The following NPAS3 variants were observed in gnomAD, a reference collection of about 807,000 sequenced individuals.
The protein encoded by NPAS3 is neuronal PAS domain-containing protein 3.
Under a neutral mutation model 73.1 loss-of-function variants are expected in NPAS3, and 14 were observed. That is an observed-to-expected ratio of 0.19 (90% CI 0.13 to 0.30). The LOEUF is 0.30. Among genes scored for constraint, NPAS3 ranks in the 10% least tolerant of loss-of-function variants. NPAS3 has a pLI of 1.00. For missense variants in NPAS3, 1,096 were observed against 1,250.0 expected (o/e 0.88, Z 1.86); for synonymous variants, 620 against 541.5 (o/e 1.14, Z -2.01).
At chr14:33,091,308 A>G (rs1369198796) in intron 2 of NPAS3, among the ~76,000 whole-genome samples, 1 of 152,206 alleles carries the variant, frequency 6.6e-6, no homozygotes, top group African/African-American at 2.4e-5. Flanking sequence ...TAAAGGGGAT[A>G]TCACCACCGA....
intron 2 of NPAS3, among the ~76,000 whole-genome samples, chr14:33,170,939 A>G (rs1006918616): frequency 1.3e-5 from 2 of 152,242 alleles, no homozygotes; most frequent in Non-Finnish European, 2.9e-5. Flanking sequence ...GTTCTTAACA[A>G]CATCCAAAAT....
At chr14:33,311,936 A>G (rs1488689476) in intron 3 of NPAS3, among the ~76,000 whole-genome samples, 2 of 152,088 alleles carry the variant, frequency 1.3e-5, no homozygotes, top group African/African-American at 2.4e-5. Flanking sequence ...AATAGGCATG[A>G]TATGTTTTGG....
intron 4 of NPAS3, among the ~76,000 whole-genome samples, chr14:33,548,214 T>C (rs1378308382): frequency 2.0e-5 from 3 of 152,230 alleles, no homozygotes; most frequent in Non-Finnish European, 2.9e-5. Flanking sequence ...GAGGCCACTT[T>C]AGTCTACAAT....
At chr14:33,669,265 CCT>C (rs2059543387) in intron 5 of NPAS3, among the ~76,000 whole-genome samples, 1 of 152,180 alleles carries the variant, frequency 6.6e-6, no homozygotes, top group Non-Finnish European at 1.5e-5. Flanking sequence ...CATCCTTTTG[CCT>C]TCTCAGCACT....
At position 33,505,410 on chromosome 14, in the gene NPAS3, A is replaced by G. The variant is rs147475036; in HGVS notation, c.469-54711A>G. Among the ~76,000 whole-genome samples the G allele has an allele frequency of 1.7e-3, 259 of 152,142 alleles. 2 individuals are homozygous for G. Among genetic ancestry groups the G allele is most frequent in the Admixed American group, 0.015 (235 of 15,272 alleles). ...ATTTCTGTTTTGATACCCTACAGAC[A>G]TGTTCCTTCGAAAGTTTTGAAGAAA... On this transcript the variant is annotated intron_variant, in intron 4 of 11. Coordinates refer to ENST00000356141, the Ensembl canonical transcript of NPAS3.
chr14:32,937,179 G>C (rs577950173), upstream of NPAS3, among the ~76,000 whole-genome samples: 1 of 152,230 alleles, frequency 6.6e-6, no homozygotes, highest in South Asian at 2.1e-4. Context: ...TCTGAGTCAG[G>C]AGTCCCCTGT....
At chr14:33,565,516 C>T (rs1368111048) in intron 5 of NPAS3, among the ~76,000 whole-genome samples, 1 of 152,180 alleles carries the variant, frequency 6.6e-6, no homozygotes, top group Non-Finnish European at 1.5e-5. Context: ...GCAAGGCTCA[C>T]TCTTCCATTC....
At chr14:33,557,977 A>T (rs972770424) in intron 4 of NPAS3, among the ~76,000 whole-genome samples, 1 of 152,104 alleles carries the variant, frequency 6.6e-6, no homozygotes, top group African/African-American at 2.4e-5. Context: ...TCAAAAAAAT[A>T]AAAAAAATGT....
chr14:33,245,038 C>A (rs1358660602), intron 3 of NPAS3, among the ~76,000 whole-genome samples: 3 of 152,174 alleles, frequency 2.0e-5, no homozygotes, highest in Non-Finnish European at 4.4e-5. Flanking sequence ...CTCACCCTGG[C>A]AGTTCTCCTG....
At chr14:33,207,941 C>A (rs2046892121) in intron 2 of NPAS3, among the ~76,000 whole-genome samples, 1 of 151,364 alleles carries the variant, frequency 6.6e-6, no homozygotes, top group Non-Finnish European at 1.5e-5. Context: ...TGATAATTTG[C>A]AGGAGTTTCA....
chr14:33,633,643 T>C (rs1451874984), intron 5 of NPAS3, among the ~76,000 whole-genome samples: 1 of 152,194 alleles, frequency 6.6e-6, no homozygotes, highest in Non-Finnish European at 1.5e-5. Context: ...AATACAGTAT[T>C]ATAATCTCTT....
intron 3 of NPAS3, among the ~76,000 whole-genome samples, chr14:33,329,090 C>G (rs1235687141): frequency 6.6e-6 from 1 of 152,270 alleles, no homozygotes; most frequent in East Asian, 1.9e-4. Flanking sequence ...TCAAAACTCC[C>G]TAAATTGATA....
chr14:33,584,887 C>A, intron 5 of NPAS3, among the ~76,000 whole-genome samples: 1 of 152,076 alleles, frequency 6.6e-6, no homozygotes, highest in South Asian at 2.1e-4. Flanking sequence ...AAATAAGGCG[C>A]ACCCTGAGGG....
chr14:33,559,998 A>C (rs934603336), intron 4 of NPAS3, 123 bp from the exon 5 acceptor site: 7 of 511,622 alleles, frequency 1.4e-5, no homozygotes, highest in African/African-American at 2.0e-5. Flanking sequence ...AGACAGAGCA[A>C]GACTCTGTCT....
At chr14:33,161,597 A>C (rs2044886834) in intron 2 of NPAS3, among the ~76,000 whole-genome samples, 1 of 152,180 alleles carries the variant, frequency 6.6e-6, no homozygotes, top group Admixed American at 6.5e-5. Flanking sequence ...TGTAGTCTTA[A>C]AGGAGTATAT....
intron 3 of NPAS3, among the ~76,000 whole-genome samples, chr14:33,262,590 A>G (rs974363197): frequency 6.6e-6 from 1 of 152,164 alleles, no homozygotes; most frequent in Non-Finnish European, 1.5e-5. Context: ...ATTTTTCCAC[A>G]ATTATTCATG....
At chr14:33,282,330 GT>G (rs2041661885) in intron 3 of NPAS3, among the ~76,000 whole-genome samples, 1 of 152,186 alleles carries the variant, frequency 6.6e-6, no homozygotes, top group South Asian at 2.1e-4. Flanking sequence ...AAAGCGTCCA[GT>G]TCTGTGCCTG....
intron 4 of NPAS3, among the ~76,000 whole-genome samples, chr14:33,535,161 G>T (rs750574678): frequency 6.6e-6 from 1 of 152,116 alleles, no homozygotes; most frequent in African/African-American, 2.4e-5. Context: ...TATAATAAAA[G>T]TATATATACT....
intron 6 of NPAS3, among the ~76,000 whole-genome samples, chr14:33,727,797 C>T (rs552416671): frequency 6.6e-6 from 1 of 152,240 alleles, no homozygotes; most frequent in African/African-American, 2.4e-5. Context: ...CACGCAGCAT[C>T]GCAGGAGGAC....
Sources: allele counts gnomAD v4.1 joint callset (sites outside exome capture counted in the v4.1 genomes callset), GRCh38; gene constraint gnomAD v4.1.1; transcripts MANE v1.5; gene names NCBI Gene and HGNC (gene_info 2026-07-23, HGNC 2026-07-21).